The following RGS9 variants were observed in gnomAD, a reference collection of about 807,000 sequenced individuals.
The protein encoded by RGS9 is regulator of G-protein signalling 9.
RGS9 carries 78 observed loss-of-function variants against 102.0 expected under a neutral mutation model. The observed-to-expected ratio is 0.76, with a 90% CI of 0.64 to 0.92. The LOEUF (loss-of-function observed/expected upper bound fraction) is 0.92. Ranked by LOEUF, RGS9 falls within the 40% of genes least tolerant of loss-of-function variation. The pLI, the probability that RGS9 is intolerant of heterozygous loss-of-function variation, is 0.00. For synonymous variants in RGS9, 353 were observed against 318.6 expected (o/e 1.11, Z -1.15); for missense variants, 833 against 866.1 (o/e 0.96, Z 0.48).
At chr17:65,178,811 G>C (rs573977815) in intron 9 of RGS9, among the ~76,000 whole-genome samples, 235 of 152,296 alleles carry the variant, frequency 1.5e-3, no homozygotes, top group African/African-American at 5.5e-3. Context: ...GGCTCAGATA[G>C]ACAATTCTTT....
At chr17:65,138,108 T>C (rs1404467962) in intron 1 of RGS9, among the ~76,000 whole-genome samples, 1 of 152,218 alleles carries the variant, frequency 6.6e-6, no homozygotes, top group Non-Finnish European at 1.5e-5. Flanking sequence ...CTGTCTGCGC[T>C]GGCGGCAGAA....
chr17:65,220,362 T>A (rs1913661926), intron 17 of RGS9, among the ~76,000 whole-genome samples: 1 of 152,188 alleles, frequency 6.6e-6, no homozygotes, highest in Admixed American at 6.5e-5. Flanking sequence ...ATGTCCTCTG[T>A]CTGCAGCTTC....
At chr17:65,221,741 G>A (rs762553467) in intron 17 of RGS9, among the ~76,000 whole-genome samples, 43 of 152,284 alleles carry the variant, frequency 2.8e-4, no homozygotes, top group Non-Finnish European at 4.9e-4. Context: ...CAACAGATTC[G>A]GGGTCTGGTG....
Position 65,206,753 on chromosome 17 carries a change from T to A in RGS9, c.1204-1169T>A, listed in dbSNP as rs115225112. On this transcript the variant is annotated intron_variant, in intron 15 of 18. Coordinates refer to ENST00000262406, the MANE Select transcript of RGS9 (RefSeq NM_003835.4). ...TTTAGGGGATGCCCAGGGAGGCCAG[T>A]TACTAGCCAGAATGGAACAGTCATT... Among the ~76,000 whole-genome samples the A allele has an allele frequency of 2.6e-3, 389 of 152,272 alleles. 2 individuals carry two copies. Among genetic ancestry groups the A allele is most frequent in the African/African-American group, 8.9e-3 (371 of 41,546 alleles).
intron 9 of RGS9, among the ~76,000 whole-genome samples, chr17:65,183,314 G>A (rs1201861140): frequency 1.3e-5 from 2 of 152,126 alleles, no homozygotes; most frequent in South Asian, 4.1e-4. Flanking sequence ...GTAGAGACAA[G>A]GTTGTGTCTT....
At chr17:65,163,203 C>T (rs1049096329) in intron 7 of RGS9, 114 bp downstream of exon 7, 6 of 471,440 alleles carry the variant, frequency 1.3e-5, no homozygotes, top group African/African-American at 2.1e-5. Flanking sequence ...GAGACAGAGT[C>T]TTGCTCTGTC....
In RGS9 at chr17:65,174,360, T is replaced by A. The variant is rs559096261; in HGVS notation, c.583-3372T>A. On this transcript the variant is annotated intron_variant, in intron 8 of 18. Transcript: ENST00000262406. ...TGTAGGGCATCATGAGCACAGGCTG[T>A]GTGTGAGTGTGAGTGCATGTCAGTA... Among the ~76,000 whole-genome samples, 6 of 152,268 alleles carry A rather than the reference T, an allele frequency of 3.9e-5. No homozygotes were observed. The East Asian group carries it at 1.2e-3, about 29-fold the overall frequency.
intron 8 of RGS9, among the ~76,000 whole-genome samples, chr17:65,176,782 C>T (rs1911644345): frequency 6.7e-6 from 1 of 148,214 alleles, no homozygotes; most frequent in African/African-American, 2.5e-5. Flanking sequence ...TATCTCTTCA[C>T]CTATCCATTC....
chr17:65,150,151 C>T (rs567203921), intron 1 of RGS9, among the ~76,000 whole-genome samples: 5 of 152,274 alleles, frequency 3.3e-5, no homozygotes, highest in African/African-American at 4.8e-5. Context: ...TCCAGCTGCA[C>T]GCAGCAGCCC....
intron 7 of RGS9, among the ~76,000 whole-genome samples, chr17:65,165,663 G>A (rs1475515882): frequency 1.3e-5 from 2 of 151,880 alleles, no homozygotes; most frequent in Non-Finnish European, 2.9e-5. Context: ...CCCTACCCTG[G>A]TTGAACCAAA....
In RGS9 at chr17:65,170,908, G is replaced by C. The variant is rs141697815; in HGVS notation, c.582+2627G>C. On this transcript the variant is annotated intron_variant, in intron 8 of 18. Transcript: ENST00000262406. The stretch of plus-strand genomic sequence containing the variant: ...CTCCCCATCTCTTGTTGGCCTGTGG[G>C]GGTGGAAGGTAGTGTTTTTGAAGAG... Among the ~76,000 whole-genome samples, 241 of 152,238 alleles carry C rather than the reference G, an allele frequency of 1.6e-3. 1 individual carries two copies. In the East Asian group the frequency reaches 0.024, roughly 15 times the overall value.
At chr17:65,204,679 A>G (rs766361677) in intron 15 of RGS9, among the ~76,000 whole-genome samples, 1 of 152,196 alleles carries the variant, frequency 6.6e-6, no homozygotes, top group Non-Finnish European at 1.5e-5. Context: ...AGCTGTGTGC[A>G]TCCTTACGGG....
At chr17:65,211,614 C>G (rs1023900134) in intron 17 of RGS9, among the ~76,000 whole-genome samples, 9 of 152,056 alleles carry the variant, frequency 5.9e-5, no homozygotes, top group Admixed American at 2.0e-4. Context: ...TCTAACTGAC[C>G]TTGGGGGGTT....
chr17:65,224,502 C>T (rs1239766913), intron 17 of RGS9, among the ~76,000 whole-genome samples: 1 of 152,218 alleles, frequency 6.6e-6, no homozygotes, highest in African/African-American at 2.4e-5. Context: ...CAAGGAGGGG[C>T]CTCAGGCCCG....
chr17:65,167,224 G>A (rs1272492909), intron 7 of RGS9, among the ~76,000 whole-genome samples: 1 of 151,816 alleles, frequency 6.6e-6, no homozygotes, highest in Non-Finnish European at 1.5e-5. Context: ...TTTTTGAGAC[G>A]GAGTTTTGCT....
chr17:65,188,920 C>T (rs1168618102), intron 9 of RGS9: 2 of 276,254 alleles, frequency 7.2e-6, no homozygotes, highest in Non-Finnish European at 1.4e-5. Context: ...TGGCCTTCCC[C>T]ATTTTTCTCT....
intron 17 of RGS9, among the ~76,000 whole-genome samples, chr17:65,222,262 G>A (rs1361928305): frequency 2.6e-5 from 4 of 152,200 alleles, no homozygotes; most frequent in East Asian, 1.9e-4. Flanking sequence ...CCAAGCTTCC[G>A]ATCTCTCTGC....
intron 2 of RGS9, 86 bp downstream of exon 2, chr17:65,153,604 AT>A: frequency 8.5e-7 from 1 of 1,171,268 alleles, no homozygotes; most frequent in South Asian, 1.2e-5. Flanking sequence ...AAAAAACTTT[AT>A]TTTTGGCCAG....
At position 65,207,946 on chromosome 17, in the gene RGS9, T is replaced by C. The variant is rs748128868; in HGVS notation, c.1228T>C (p.Ser410Pro). Residue 410 changes from serine (S) to proline (P), a missense_variant, in exon 16 of 19, where the codon TCT (serine) becomes CCT (proline). Around this residue, in one of 3 missense-constraint regions of RGS9, gnomAD observed 185 missense variants for 248.7 expected, o/e 0.74. Transcript: ENST00000262406. ...GGATTCTTATGCTCGCTATTTAAAA[T>C]CTCCGATCTATAAGGACATGCTGGC... ...KKDSYARYLK[S>P]PIYKDMLAKA... The C allele has an allele frequency of 1.9e-6, 3 of 1,613,018 alleles. No homozygotes were observed. Among genetic ancestry groups the C allele is most frequent in the Admixed American group, 3.3e-5 (2 of 60,006 alleles).
Sources: gnomAD v4.1 joint callset for allele counts (sites outside exome capture counted in the v4.1 genomes callset) on GRCh38, gnomAD v4.1.1 for gene constraint, gnomAD v4.1.1 regional missense constraint, MANE v1.5 for transcripts, NCBI Gene and HGNC (gene_info 2026-07-23, HGNC 2026-07-21) for gene names.